The following VRK2 variants were observed in gnomAD, a reference collection of about 807,000 sequenced individuals.
VRK2 encodes the protein VRK serine/threonine kinase 2, also known as serine/threonine-protein kinase VRK2.
Under a neutral mutation model 57.6 loss-of-function variants are expected in VRK2, and 60 were observed. The ratio of observed to expected loss-of-function variants is 1.04; its 90% CI spans 0.85 to 1.29. The LOEUF (loss-of-function observed/expected upper bound fraction) is 1.29, where lower values mean the gene tolerates loss of function less well. Among genes scored for constraint, VRK2 ranks in the 50% most tolerant of loss-of-function variants. VRK2 has a pLI of 0.00. For missense variants in VRK2, 705 were observed against 588.1 expected, an observed-to-expected ratio of 1.20 and a Z score of -2.06; for synonymous variants, 231 against 199.2, an observed-to-expected ratio of 1.16 and a Z score of -1.35.
At chr2:58,046,971 C>T in intron 1 of VRK2, 103 bp downstream of exon 1, 8 of 985,414 alleles carry the variant, frequency 8.1e-6, no homozygotes, top group Non-Finnish European at 9.6e-6. Flanking sequence ...GAGTTAGATG[C>T]CGGGGACTCC....
At chr2:57,999,956 C>T (rs967515433) in intron 1 of VRK2, among the ~76,000 whole-genome samples, 2 of 152,020 alleles carry the variant, frequency 1.3e-5, no homozygotes, top group Non-Finnish European at 2.9e-5. Flanking sequence ...CCAGCCTGAG[C>T]CATATAACAA....
chr2:57,969,768 G>A (rs77631263), intron 1 of VRK2, among the ~76,000 whole-genome samples: 1 of 152,234 alleles, frequency 6.6e-6, no homozygotes, highest in Non-Finnish European at 1.5e-5. Flanking sequence ...GCGGTCAGCT[G>A]AGGCTATGCT....
intron 1 of VRK2, among the ~76,000 whole-genome samples, chr2:57,966,979 C>T (rs895542635): frequency 9.9e-5 from 15 of 152,034 alleles, no homozygotes; most frequent in Non-Finnish European, 1.0e-4. Flanking sequence ...CTAGTAGAAA[C>T]GTTCGGTTTG....
Position 58,159,828 on chromosome 2 carries a change from A to C in VRK2, c.*135A>C. Reference sequence around the variant, plus strand: ...TTAAAAAGAGAACATATTTTAACAAAGTTTGTGGACACTCTAAAAAATAAA... The same window carrying C: ...TTAAAAAGAGAACATATTTTAACAACGTTTGTGGACACTCTAAAAAATAAA... On this transcript the variant is annotated 3_prime_UTR_variant, in exon 13 of 13. Coordinates refer to ENST00000340157, the MANE Select transcript of VRK2 (RefSeq NM_006296.7). 2.5e-6 allele frequency: 4 copies of C among 1,611,438 alleles called. No homozygotes were observed. Among genetic ancestry groups the C allele is most frequent in the Non-Finnish European group, 2.5e-6 (3 of 1,179,046 alleles).
chr2:58,044,812 G>C (rs139181203), upstream of VRK2, among the ~76,000 whole-genome samples: 1 of 152,196 alleles, frequency 6.6e-6, no homozygotes, highest in African/African-American at 2.4e-5. Flanking sequence ...GGGAGTGGGA[G>C]TGCATAATAG....
chr2:57,997,972 A>C (rs1253925045), intron 1 of VRK2, among the ~76,000 whole-genome samples: 1 of 152,212 alleles, frequency 6.6e-6, no homozygotes, highest in Non-Finnish European at 1.5e-5. Context: ...AAACAGCTTT[A>C]ATATTTGATA....
chr2:57,922,898 G>A lies in VRK2; in HGVS notation c.-439+15059G>A, dbSNP rs533843799. Among the ~76,000 whole-genome samples the A allele has an allele frequency of 6.4e-3, 967 of 151,732 alleles. 8 individuals carry two copies. Among genetic ancestry groups the A allele is most frequent in the Non-Finnish European group, 9.1e-3 (618 of 67,806 alleles). ...CTCCTCTTCCCAGCTTCTAGTAACC[G>A]TAATTCTATATATATCTCCATGAGT... On this transcript the variant is annotated intron_variant, in intron 1 of 15. Transcript: ENST00000417641.
intron 8 of VRK2, among the ~76,000 whole-genome samples, chr2:58,125,824 A>C (rs1404641951): frequency 2.0e-5 from 3 of 152,088 alleles, no homozygotes; most frequent in African/African-American, 4.8e-5. Context: ...TTTAATGTGA[A>C]GTTTTAGTCT....
At chr2:58,128,581 C>T (rs1678707717) in intron 8 of VRK2, among the ~76,000 whole-genome samples, 1 of 152,144 alleles carries the variant, frequency 6.6e-6, no homozygotes, top group African/African-American at 2.4e-5. Flanking sequence ...ATCTGCCCAC[C>T]TCAGCCTCCC....
chr2:57,995,388 A>C (rs1672893304), intron 1 of VRK2, among the ~76,000 whole-genome samples: 1 of 152,196 alleles, frequency 6.6e-6, no homozygotes, highest in South Asian at 2.1e-4. Context: ...TAGTGGATAC[A>C]AATTTTCCAA....
Position 58,022,746 on chromosome 2 carries a change from T to C in VRK2, c.-438-2919T>C, listed in dbSNP as rs181464293. Among the ~76,000 whole-genome samples, 1,107 of 152,124 alleles carry C rather than the reference T, an allele frequency of 7.3e-3. 9 individuals are homozygous for C. The highest frequency in any genetic ancestry group is 0.011 in the Non-Finnish European group (770 of 67,976). ...AAAAATTAGCTAAGCATGGTGGCCC[T>C]TGCCTGTAGTCCCAGCTACTCAGGA... On this transcript the variant is annotated intron_variant, in intron 1 of 15. Coordinates refer to the VRK2 transcript ENST00000417641.
intron 7 of VRK2, among the ~76,000 whole-genome samples, chr2:58,114,175 A>G (rs921126950): frequency 6.6e-6 from 1 of 152,182 alleles, no homozygotes; most frequent in Non-Finnish European, 1.5e-5. Context: ...AGGTATAAAA[A>G]GTCTAAGAAT....
chr2:58,085,728 A>C (rs1671517650), intron 4 of VRK2, among the ~76,000 whole-genome samples: 1 of 151,932 alleles, frequency 6.6e-6, no homozygotes. Context: ...TGTCACAGTG[A>C]CAAATAGAAT....
chr2:58,006,777 G>A (rs1193711561), intron 1 of VRK2, among the ~76,000 whole-genome samples: 1 of 152,110 alleles, frequency 6.6e-6, no homozygotes, highest in Non-Finnish European at 1.5e-5. Context: ...AATTATGGGT[G>A]TTCCTAAAAG....
At position 57,962,918 on chromosome 2, in the gene VRK2, A is replaced by T. The variant is rs534118587; in HGVS notation, c.-439+55079A>T. 4.6e-5 allele frequency among the ~76,000 whole-genome samples: 7 copies of T among 152,314 alleles called. No individual in the cohort carries two copies. The South Asian group carries it at 1.2e-3, about 27-fold the overall frequency. ...TGTGAAGTTCAACAAAATGGTGGAA[A>T]ATCGATTTGGGAGGGGATGAGGGAT... On this transcript the variant is annotated intron_variant, in intron 1 of 15. Transcript: ENST00000417641.
intron 7 of VRK2, among the ~76,000 whole-genome samples, chr2:58,096,404 C>G (rs1673132288): frequency 6.6e-6 from 1 of 151,880 alleles, no homozygotes. Context: ...CGTGGTAGTT[C>G]TTTGTGATTC....
chr2:57,929,019 T>A (rs1472261922), intron 1 of VRK2, among the ~76,000 whole-genome samples: 1 of 152,136 alleles, frequency 6.6e-6, no homozygotes, highest in Non-Finnish European at 1.5e-5. Flanking sequence ...GCCACCATGG[T>A]CTGTGTCTTG....
chr2:57,938,776 T>C (rs1671000191), intron 1 of VRK2, among the ~76,000 whole-genome samples: 1 of 152,152 alleles, frequency 6.6e-6, no homozygotes, highest in Non-Finnish European at 1.5e-5. Context: ...GATGTATGCA[T>C]ATAAACCTGA....
chr2:58,116,476 T>G (rs1220086219), intron 7 of VRK2, among the ~76,000 whole-genome samples: 1 of 149,876 alleles, frequency 6.7e-6, no homozygotes, highest in African/African-American at 2.5e-5. Flanking sequence ...AGTTGGGGAG[T>G]TTTAAGAGGT....
Sources: gnomAD v4.1 joint callset for allele counts (sites outside exome capture counted in the v4.1 genomes callset) on GRCh38, gnomAD v4.1.1 for gene constraint, MANE v1.5 for transcripts, NCBI Gene and HGNC (gene_info 2026-07-23, HGNC 2026-07-21) for gene names.